Variants in IGSF23 observed in about 807,000 individuals in gnomAD.
IGSF23 encodes immunoglobulin superfamily member 23.
IGSF23 carries 14 observed loss-of-function variants against 17.8 expected under a neutral mutation model. The observed-to-expected ratio is 0.79, with a 90% CI of 0.52 to 1.23. IGSF23 has a LOEUF of 1.23. Among genes scored for constraint, IGSF23 ranks in the 50% most tolerant of loss-of-function variants. The probability of loss-of-function intolerance (pLI) is 0.00; values close to 1 mark genes in which losing one functional copy is unlikely to be tolerated. For synonymous variants in IGSF23, 85 were observed against 92.5 expected, an observed-to-expected ratio of 0.92 and a Z score of 0.46; for missense variants, 214 against 241.7, an observed-to-expected ratio of 0.89 and a Z score of 0.76.
Position 44,627,404 on chromosome 19 carries a change from C to A in IGSF23, c.392-16C>A. The A allele has an allele frequency of 6.7e-7, 1 of 1,495,712 alleles. No homozygotes were observed. 92.7% of individuals were successfully genotyped at this position (1,495,712 alleles called of 1,614,324 possible). A position where few individuals can be genotyped will look rare whatever the true frequency, so the allele number is the denominator to read the frequency against. ...GGCAGATGGCTCCTCCAATCTCACC[C>A]CTCCTTGGTCCCCAGAACCCATCAT... On this transcript the variant is annotated splice_polypyrimidine_tract_variant and intron_variant, in intron 2 of 4. Transcript: ENST00000402988.
At chr19:44,617,047 T>A (rs1350153715) in intron 1 of IGSF23, among the ~76,000 whole-genome samples, 2 of 151,890 alleles carry the variant, frequency 1.3e-5, no homozygotes, top group African/African-American at 4.8e-5. Flanking sequence ...TACAGGCGCG[T>A]GCCACCATGC....
chr19:44,629,566 A>G (rs867904198), intron 3 of IGSF23, among the ~76,000 whole-genome samples: 2 of 152,084 alleles, frequency 1.3e-5, no homozygotes, highest in Non-Finnish European at 2.9e-5. Context: ...TATTTCTAAA[A>G]ATTAAAAAAA....
At chr19:44,625,330 C>T (rs552543628) in intron 2 of IGSF23, among the ~76,000 whole-genome samples, 1 of 152,154 alleles carries the variant, frequency 6.6e-6, no homozygotes, top group Non-Finnish European at 1.5e-5. Flanking sequence ...GCCAATAACA[C>T]TGTTGCAATT....
intron 3 of IGSF23, among the ~76,000 whole-genome samples, chr19:44,634,786 A>T (rs1972848844): frequency 6.7e-6 from 1 of 150,166 alleles, no homozygotes; most frequent in African/African-American, 2.5e-5. Context: ...GGGCAACAGA[A>T]CCAGACTGTC....
chr19:44,634,427 A>G (rs887115260), intron 3 of IGSF23, among the ~76,000 whole-genome samples: 3 of 152,202 alleles, frequency 2.0e-5, no homozygotes, highest in Non-Finnish European at 4.4e-5. Flanking sequence ...AGTAATTTAC[A>G]AGGAAAAGGC....
intron 1 of IGSF23, chr19:44,618,310 GCAGCCTGGT>G: frequency 2.5e-6 from 1 of 395,876 alleles, no homozygotes; most frequent in South Asian, 1.9e-5. Flanking sequence ...GGAACCCAAG[GCAGCCTGGT>G]CATTAGAAAA....
intron 3 of IGSF23, among the ~76,000 whole-genome samples, 169 bp from the exon 4 acceptor site, chr19:44,635,232 T>C (rs1216682503): frequency 2.0e-5 from 3 of 152,212 alleles, no homozygotes; most frequent in Non-Finnish European, 2.9e-5. Flanking sequence ...CCCACTCTTA[T>C]GATCTCATTT....
At chr19:44,632,949 A>G (rs562008495) in intron 3 of IGSF23, among the ~76,000 whole-genome samples, 1 of 152,250 alleles carries the variant, frequency 6.6e-6, no homozygotes, top group Non-Finnish European at 1.5e-5. Flanking sequence ...ATGAAGAATC[A>G]GAAATCATAT....
At chr19:44,634,178 T>C (rs570201264) in intron 3 of IGSF23, among the ~76,000 whole-genome samples, 1 of 152,310 alleles carries the variant, frequency 6.6e-6, no homozygotes, top group East Asian at 1.9e-4. Flanking sequence ...GGGAATGGCC[T>C]GAGCTGGAAA....
At chr19:44,623,003 G>C (rs1972554335) in intron 1 of IGSF23, among the ~76,000 whole-genome samples, 1 of 152,034 alleles carries the variant, frequency 6.6e-6, no homozygotes, top group African/African-American at 2.4e-5. Context: ...TTTCCTCACA[G>C]CCCTTACCAC....
At chr19:44,634,070 CG>C (rs771221948) in intron 3 of IGSF23, among the ~76,000 whole-genome samples, 1 of 152,202 alleles carries the variant, frequency 6.6e-6, no homozygotes, top group African/African-American at 2.4e-5. Context: ...GGACCTTTTA[CG>C]GGGGTTCCCC....
At position 44,616,749 on chromosome 19, in the gene IGSF23, GA is replaced by G. The variant is rs1167164725; in HGVS notation, c.125+2990del. 9.6e-3 allele frequency among the ~76,000 whole-genome samples: 1,269 copies of G among 132,596 alleles called. 18 individuals carry two copies. Among genetic ancestry groups the G allele is most frequent in the African/African-American group, 0.032 (1,161 of 36,196 alleles). The allele number at this position is 132,596 out of a possible 152,430, so 87.0% of individuals were successfully genotyped here. On this transcript the variant is annotated intron_variant, in intron 1 of 4. Transcript: ENST00000402988. ...AGAAACAATAACAAGCATAAAGCTTGAAAAAAAAAAACAGTAAAAGTTTCCA... is the reference window on the plus strand; with the variant it reads ...AGAAACAATAACAAGCATAAAGCTTGAAAAAAAAAACAGTAAAAGTTTCCA...
chr19:44,628,865 G>A (rs979660018), intron 3 of IGSF23, among the ~76,000 whole-genome samples: 6 of 152,162 alleles, frequency 3.9e-5, no homozygotes, highest in African/African-American at 9.7e-5. Context: ...GGCATTTAAC[G>A]AGTCAGGGAA....
intron 1 of IGSF23, among the ~76,000 whole-genome samples, chr19:44,616,599 AG>A (rs1407727886): frequency 2.6e-5 from 4 of 151,038 alleles, no homozygotes; most frequent in Non-Finnish European, 4.4e-5. Flanking sequence ...CGGGAGGCTG[AG>A]GCAGGGGAAT....
intron 3 of IGSF23, 97 bp from the exon 4 acceptor site, chr19:44,635,304 A>G (rs1972862313): frequency 5.3e-6 from 5 of 944,412 alleles, no homozygotes; most frequent in South Asian, 2.9e-5. Context: ...TTAGGACTAC[A>G]TATTAATTTG....
chr19:44,615,701 C>T (rs1972358177), intron 1 of IGSF23, among the ~76,000 whole-genome samples: 1 of 151,632 alleles, frequency 6.6e-6, no homozygotes, highest in Non-Finnish European at 1.5e-5. Flanking sequence ...TTTGCTCTGT[C>T]CCCAGCTCAG....
chr19:44,613,822 G>A lies in IGSF23; in HGVS notation c.125+52G>A, dbSNP rs906904805. ...GTAGGGCATGGTCATCGTGAGCAGG[G>A]TCCTGCAGGGTGAGGCCGGGGCTGC... is the stretch of plus-strand genomic sequence containing the variant. On this transcript the variant is annotated intron_variant, in intron 1 of 4. Transcript: ENST00000402988. 2.7e-5 allele frequency: 42 copies of A among 1,548,410 alleles called. No homozygotes were observed. The African/African-American group carries it at 4.9e-4, about 18-fold the overall frequency.
chr19:44,631,092 C>CAAAA (rs34410787), intron 3 of IGSF23, among the ~76,000 whole-genome samples: 1 of 129,840 alleles, frequency 7.7e-6, no homozygotes. Flanking sequence ...CATGTCTCTA[C>CAAAA]AAAAAAAAAA....
intron 4 of IGSF23, 68 bp from the exon 5 acceptor site, chr19:44,636,351 C>T (rs987670719): frequency 6.6e-6 from 1 of 152,250 alleles, no homozygotes; most frequent in East Asian, 1.9e-4. Context: ...ACTTCACCCC[C>T]ACCCCAAGCC....
Sources: gnomAD v4.1 joint callset for allele counts (sites outside exome capture counted in the v4.1 genomes callset) on GRCh38, gnomAD v4.1.1 for gene constraint, MANE v1.5 for transcripts, NCBI Gene and HGNC (gene_info 2026-07-23, HGNC 2026-07-21) for gene names.